Variants in RIMS1 observed in about 807,000 individuals in gnomAD.
RIMS1 encodes regulating synaptic membrane exocytosis 1.
In RIMS1, 83 loss-of-function variants were observed where a neutral mutation model predicts 214.1. The ratio of observed to expected loss-of-function variants is 0.39; its 90% confidence interval spans 0.32 to 0.47. The LOEUF (loss-of-function observed/expected upper bound fraction) is 0.47. Among genes scored for constraint, RIMS1 ranks in the 20% least tolerant of loss-of-function variants. The pLI is 0.99. For missense variants in RIMS1, 2,050 were observed against 2,161.8 expected (o/e 0.95, Z 1.03); for synonymous variants, 793 against 786.8 (o/e 1.01, Z -0.13).
rs375778238 is a variant in RIMS1 at position 72,250,319 on chromosome 6, A to G, written c.2242-11A>G. 5.7e-5 allele frequency: 91 copies of G among 1,596,168 alleles called. No homozygotes were observed. Among genetic ancestry groups the G allele is most frequent in the Middle Eastern group, 1.7e-4 (1 of 6,018 alleles). On this transcript the variant is annotated splice_polypyrimidine_tract_variant and intron_variant, in intron 12 of 33. Coordinates refer to ENST00000521978, the MANE Select transcript of RIMS1 (RefSeq NM_014989.7). Reference sequence around the variant, plus strand: ...ATTTTTACAAATAATTCCTTTCCTCATTGCTCCTAGGTGAAGTTGTGGTAT... The same window carrying G: ...ATTTTTACAAATAATTCCTTTCCTCGTTGCTCCTAGGTGAAGTTGTGGTAT...
intron 7 of RIMS1, 45 bp downstream of exon 7, chr6:72,233,885 G>T (rs1457107762): frequency 7.1e-6 from 9 of 1,262,612 alleles, no homozygotes; most frequent in Non-Finnish European, 1.0e-5. Context: ...GAATATGTGT[G>T]CTCGTTAATT....
intron 9 of RIMS1, among the ~76,000 whole-genome samples, chr6:72,241,895 G>A (rs576766220): frequency 6.6e-6 from 1 of 152,258 alleles, no homozygotes; most frequent in African/African-American, 2.4e-5. Context: ...CAGGATTTAT[G>A]CACAGTTTAA....
intron 1 of RIMS1, among the ~76,000 whole-genome samples, chr6:71,967,761 C>T (rs1488820062): frequency 6.6e-6 from 1 of 152,086 alleles, no homozygotes; most frequent in Non-Finnish European, 1.5e-5. Flanking sequence ...GAAATAGCAC[C>T]GTTTTCTTTT....
chr6:72,043,368 A>G (rs1822004934), intron 2 of RIMS1, among the ~76,000 whole-genome samples: 1 of 151,874 alleles, frequency 6.6e-6, no homozygotes, highest in Non-Finnish European at 1.5e-5. Flanking sequence ...AAAATCTTTT[A>G]AAAGAAAATC....
intron 16 of RIMS1, among the ~76,000 whole-genome samples, chr6:72,255,525 G>T (rs1234387794): frequency 2.0e-5 from 3 of 152,162 alleles, no homozygotes; most frequent in African/African-American, 4.8e-5. Context: ...CAGGTTTTCA[G>T]CAGTTGAGAC....
At chr6:71,951,371 C>T (rs756308903) in intron 1 of RIMS1, among the ~76,000 whole-genome samples, 16 of 152,010 alleles carry the variant, frequency 1.1e-4, no homozygotes, top group Admixed American at 4.6e-4. Flanking sequence ...TTAATAATGA[C>T]GACATTCACT....
chr6:72,235,659 A>G lies in RIMS1; in HGVS notation c.1788A>G (p.Leu596=). The G allele has an allele frequency of 6.2e-7, 1 of 1,611,606 alleles. No individual in the cohort carries two copies. The highest frequency in any genetic ancestry group is 1.1e-5 in the South Asian group (1 of 90,602). The part of the protein sequence containing the change: ...TWQPSKEGDR[L]IGRVILNKRT... ...AACCATCTAAAGAGGGGGACCGATT[A>G]ATTGGACGTGTTATTCTTAACAAGA... Residue 596 remains leucine (L), a synonymous_variant, in exon 8 of 34, where the codon TTA becomes TTG. Coordinates refer to ENST00000521978, the MANE Select transcript of RIMS1 (RefSeq NM_014989.7).
intron 4 of RIMS1, among the ~76,000 whole-genome samples, chr6:72,158,294 A>C (rs1465625869): frequency 7.1e-6 from 1 of 140,980 alleles, no homozygotes; most frequent in Non-Finnish European, 1.6e-5. Context: ...TTCCTACATC[A>C]CCAAAGTATA....
intron 4 of RIMS1, among the ~76,000 whole-genome samples, chr6:72,114,375 A>AT (rs1015719468): frequency 2.6e-5 from 4 of 151,920 alleles, no homozygotes; most frequent in Admixed American, 2.0e-4. Context: ...AAGTTTAGTG[A>AT]TTTTCTATAC....
chr6:72,033,422 T>C (rs1229846056), intron 2 of RIMS1, among the ~76,000 whole-genome samples: 2 of 152,200 alleles, frequency 1.3e-5, no homozygotes, highest in Non-Finnish European at 2.9e-5. Context: ...TCTATACTTA[T>C]CACATCGTGT....
intron 29 of RIMS1, among the ~76,000 whole-genome samples, chr6:72,379,409 G>T (rs2098447785): frequency 6.6e-6 from 1 of 152,212 alleles, no homozygotes; most frequent in African/African-American, 2.4e-5. Flanking sequence ...TAACTTAGAA[G>T]ATAGGAAGTT....
At chr6:72,246,446 T>G (rs758687696) in intron 11 of RIMS1, among the ~76,000 whole-genome samples, 10 of 152,180 alleles carry the variant, frequency 6.6e-5, no homozygotes, top group Non-Finnish European at 1.3e-4. Context: ...ATATAGACAA[T>G]TAAGTTTTCA....
intron 4 of RIMS1, among the ~76,000 whole-genome samples, chr6:72,156,263 A>G (rs1588195476): frequency 1.4e-5 from 2 of 141,286 alleles, no homozygotes; most frequent in African/African-American, 4.9e-5. Flanking sequence ...ATAAAAACAT[A>G]CAATGTAATA....
chr6:71,896,584 G>T, intron 1 of RIMS1, among the ~76,000 whole-genome samples: 1 of 152,048 alleles, frequency 6.6e-6, no homozygotes, highest in African/African-American at 2.4e-5. Context: ...CAGGCCACAA[G>T]AAGCAGATAC....
chr6:72,241,276 C>T (rs1362828415), intron 9 of RIMS1, among the ~76,000 whole-genome samples: 1 of 152,058 alleles, frequency 6.6e-6, no homozygotes, highest in Non-Finnish European at 1.5e-5. Flanking sequence ...TTACTTTGCT[C>T]ATAAAATGTT....
chr6:72,196,349 C>CTCTGTCTGTCTGTCTG (rs752491713), intron 6 of RIMS1, among the ~76,000 whole-genome samples: 2 of 134,322 alleles, frequency 1.5e-5, no homozygotes, highest in Non-Finnish European at 3.3e-5. Context: ...TGGCTATTTC[C>CTCTGTCTGTCTGTCTG]TCTGTCTGTC....
intron 18 of RIMS1, among the ~76,000 whole-genome samples, chr6:72,260,114 A>G (rs1432857081): frequency 6.6e-6 from 1 of 152,152 alleles, no homozygotes; most frequent in African/African-American, 2.4e-5. Context: ...TTGGGCCACC[A>G]TGAATTTAGG....
chr6:72,316,154 C>T (rs2154300355), intron 28 of RIMS1, among the ~76,000 whole-genome samples: 1 of 152,196 alleles, frequency 6.6e-6, no homozygotes, highest in East Asian at 1.9e-4. Context: ...ATGTAGGGTC[C>T]AGTCTACTCC....
intron 6 of RIMS1, chr6:72,217,223 A>G (rs2056507430): frequency 2.6e-6 from 4 of 1,536,598 alleles, no homozygotes; most frequent in Non-Finnish European, 3.5e-6. Context: ...CTACTACTTC[A>G]TACATTGCAC....
Sources: gnomAD v4.1 joint callset for allele counts (sites outside exome capture counted in the v4.1 genomes callset) on GRCh38, gnomAD v4.1.1 for gene constraint, MANE v1.5 for transcripts, NCBI Gene and HGNC (gene_info 2026-07-23, HGNC 2026-07-21) for gene names.